Variants in CDH19 observed in about 807,000 individuals in gnomAD.
CDH19 encodes cadherin 19, also known as cadherin-19.
Under a neutral mutation model 64.2 loss-of-function variants are expected in CDH19, and 67 were observed. That is an observed-to-expected ratio of 1.04 (90% confidence interval 0.86 to 1.28). CDH19 has a LOEUF of 1.28. Among genes scored for constraint, CDH19 ranks in the 50% most tolerant of loss-of-function variants. The probability of loss-of-function intolerance (pLI) is 0.00; values close to 1 mark genes in which losing one functional copy is unlikely to be tolerated. For missense variants in CDH19, 1,030 were observed against 929.0 expected (o/e 1.11, Z -1.41); for synonymous variants, 346 against 319.3 (o/e 1.08, Z -0.89).
intron 9 of CDH19, among the ~76,000 whole-genome samples, chr18:66,525,806 A>G (rs1214542855): frequency 3.3e-5 from 5 of 152,124 alleles, no homozygotes; most frequent in Non-Finnish European, 7.4e-5. Context: ...GTAGCCATAT[A>G]TCATTCTTTC....
intron 2 of CDH19, among the ~76,000 whole-genome samples, chr18:66,570,759 G>A (rs1988075753): frequency 6.6e-6 from 1 of 151,704 alleles, no homozygotes; most frequent in African/African-American, 2.4e-5. Flanking sequence ...CTGTGAGAAA[G>A]GAGGTAAACA....
rs974701774 is a variant in CDH19, at chr18:66,502,652, A to G, written c.*2160T>C. On this transcript the variant is annotated 3_prime_UTR_variant, in exon 12 of 12. Coordinates refer to ENST00000262150, the MANE Select transcript of CDH19 (RefSeq NM_021153.4). The stretch of plus-strand genomic sequence containing the variant: ...AAATTTCTCTGACTATACATTTTCA[A>G]TTTTCATGTCAATGTGATAGAAATG... 1 of 151,910 alleles carries G rather than the reference A, an allele frequency of 6.6e-6. No individual in the cohort carries two copies. The highest frequency in any genetic ancestry group is 2.4e-5 in the African/African-American group (1 of 41,432). The allele number at this position is 151,910 out of a possible 1,614,324, so 9.4% of individuals were successfully genotyped here.
chr18:66,544,636 G>A (rs1987029651), intron 6 of CDH19, 83 bp downstream of exon 6: 7 of 934,554 alleles, frequency 7.5e-6, no homozygotes, highest in Non-Finnish European at 1.1e-5. Flanking sequence ...TATTTAATGA[G>A]TTAAAAACTA....
At chr18:66,534,742 T>C (rs184099333) in intron 8 of CDH19, among the ~76,000 whole-genome samples, 1 of 152,050 alleles carries the variant, frequency 6.6e-6, no homozygotes, top group East Asian at 1.9e-4. Context: ...TATTTTGTTG[T>C]TTCCTCAATT....
intron 9 of CDH19, among the ~76,000 whole-genome samples, chr18:66,520,110 G>C (rs531849461): frequency 6.6e-6 from 1 of 152,114 alleles, no homozygotes; most frequent in African/African-American, 2.4e-5. Flanking sequence ...GCTTGAACTC[G>C]GGAGGCAGAG....
At chr18:66,551,349 T>A in intron 4 of CDH19, 91 bp from the exon 5 acceptor site, 1 of 740,612 alleles carries the variant, frequency 1.4e-6, no homozygotes, top group Admixed American at 2.4e-5. Flanking sequence ...TACATTATTT[T>A]GCTATATGTT....
chr18:66,512,837 TG>T (rs1298479594), intron 9 of CDH19, among the ~76,000 whole-genome samples: 1 of 151,486 alleles, frequency 6.6e-6, no homozygotes, highest in Admixed American at 6.6e-5. Flanking sequence ...TTCTGAATCC[TG>T]GCTTTGCCAT....
At chr18:66,524,008 C>A (rs1986109086) in intron 9 of CDH19, among the ~76,000 whole-genome samples, 1 of 152,052 alleles carries the variant, frequency 6.6e-6, no homozygotes, top group South Asian at 2.1e-4. Flanking sequence ...TTAAATTGAT[C>A]AGTGGCAGAG....
chr18:66,532,278 TA>T (rs71897488), intron 8 of CDH19: 39 of 147,798 alleles, frequency 2.6e-4, no homozygotes, highest in Admixed American at 6.1e-4. Context: ...CTCTTTTTCA[TA>T]AAAAAAAAAG....
intron 1 of CDH19, among the ~76,000 whole-genome samples, chr18:66,573,727 T>C (rs974360219): frequency 1.3e-5 from 2 of 151,750 alleles, no homozygotes; most frequent in East Asian, 3.9e-4. Context: ...TATATTATGG[T>C]ATTTTGATAC....
chr18:66,571,864 A>T, intron 2 of CDH19, 146 bp downstream of exon 2: 1 of 556,604 alleles, frequency 1.8e-6, no homozygotes, highest in Non-Finnish European at 3.1e-6. Context: ...GTGCTTGCAA[A>T]TCTGAAACAA....
intron 9 of CDH19, among the ~76,000 whole-genome samples, chr18:66,514,660 C>T (rs1378823087): frequency 6.6e-6 from 1 of 151,504 alleles, no homozygotes. Flanking sequence ...ACTATAATCA[C>T]TATTTGACTT....
chr18:66,519,026 C>CA (rs964088365), intron 9 of CDH19, among the ~76,000 whole-genome samples: 11 of 152,024 alleles, frequency 7.2e-5, no homozygotes, highest in Admixed American at 4.6e-4. Context: ...GATGACAAAA[C>CA]AAAAAAATCA....
Position 66,572,271 on chromosome 18 carries a change from T to G in CDH19, c.-67A>C. 7.7e-7 allele frequency: 1 copy of G among 1,296,988 alleles called. No individual in the cohort carries two copies. The allele number at this position is 1,296,988 out of a possible 1,614,324, so 80.3% of individuals were successfully genotyped here. On this transcript the variant is annotated 5_prime_UTR_variant, in exon 2 of 12. Coordinates refer to ENST00000262150, the MANE Select transcript of CDH19 (RefSeq NM_021153.4). ...AACAGGACGTCACTAACAAAAATCT[T>G]GCTTTCTTTTATAATCTTTTCTGAT... is the stretch of plus-strand genomic sequence containing the variant.
intron 8 of CDH19, chr18:66,532,671 T>C: frequency 2.3e-6 from 1 of 441,714 alleles, no homozygotes; most frequent in Non-Finnish European, 4.5e-6. Context: ...GGTGACCATC[T>C]CTTTGAAATG....
At chr18:66,594,104 G>A (rs1988816500) in intron 1 of CDH19, among the ~76,000 whole-genome samples, 1 of 152,012 alleles carries the variant, frequency 6.6e-6, no homozygotes, top group African/African-American at 2.4e-5. Flanking sequence ...CAGAAAACAA[G>A]AAAGAGCAGG....
intron 10 of CDH19, 45 bp downstream of exon 10, chr18:66,511,523 A>G (rs773102862): frequency 2.5e-6 from 2 of 802,508 alleles, no homozygotes; most frequent in Non-Finnish European, 4.3e-6. Flanking sequence ...GTCTAACATG[A>G]GTCACAAAAA....
At chr18:66,513,481 T>A (rs1985590817) in intron 9 of CDH19, among the ~76,000 whole-genome samples, 1 of 151,428 alleles carries the variant, frequency 6.6e-6, no homozygotes, top group Non-Finnish European at 1.5e-5. Context: ...GAGTCATATA[T>A]CAAGTATTAT....
At chr18:66,529,008 C>A (rs1022146824) in intron 9 of CDH19, among the ~76,000 whole-genome samples, 4 of 151,780 alleles carry the variant, frequency 2.6e-5, no homozygotes, top group African/African-American at 9.7e-5. Flanking sequence ...TCTAAGAAAC[C>A]TGATAATTAT....
Sources: gnomAD v4.1 joint callset for allele counts (sites outside exome capture counted in the v4.1 genomes callset) on GRCh38, gnomAD v4.1.1 for gene constraint, MANE v1.5 for transcripts, NCBI Gene and HGNC (gene_info 2026-07-23, HGNC 2026-07-21) for gene names.